NXPH1: variants seen among roughly 807,000 people sequenced by gnomAD.
NXPH1 encodes the protein neurexophilin 1.
Under a neutral mutation model 23.7 loss-of-function variants are expected in NXPH1, and 5 were observed. The observed-to-expected ratio is 0.21, with a 90% CI of 0.11 to 0.44. NXPH1 has a LOEUF of 0.44. NXPH1 is among the 20% of genes least tolerant of loss of function. The pLI, the probability that NXPH1 is intolerant of heterozygous loss-of-function variation, is 0.99. For missense variants in NXPH1, 324 were observed against 321.6 expected (o/e 1.01, Z -0.06); for synonymous variants, 144 against 122.2 (o/e 1.18, Z -1.18).
intron 2 of NXPH1, among the ~76,000 whole-genome samples, chr7:8,692,393 A>T (rs1459767094): frequency 3.3e-5 from 5 of 152,172 alleles, no homozygotes; most frequent in African/African-American, 1.2e-4. Flanking sequence ...ACAGCACTGG[A>T]GAGAAATAGG....
At chr7:8,438,279 A>G (rs1816230466) in intron 2 of NXPH1, among the ~76,000 whole-genome samples, 1 of 152,220 alleles carries the variant, frequency 6.6e-6, no homozygotes, top group African/African-American at 2.4e-5. Flanking sequence ...AGTTAACTGG[A>G]TTGATCATTT....
At chr7:8,749,284 C>T (rs1439871761) in intron 2 of NXPH1, among the ~76,000 whole-genome samples, 1 of 152,144 alleles carries the variant, frequency 6.6e-6, no homozygotes, top group Non-Finnish European at 1.5e-5. Context: ...ATCATATTGC[C>T]TACATTTTAC....
At position 8,433,801 on chromosome 7, in the gene NXPH1, C is replaced by T. The variant is rs1462763909; in HGVS notation, c.-1065C>T. 2.0e-5 allele frequency among the ~76,000 whole-genome samples: 3 copies of T among 152,282 alleles called. No homozygotes were observed. Among genetic ancestry groups the T allele is most frequent in the Admixed American group, 6.5e-5 (1 of 15,310 alleles). ...CCGCCACTCCCCTGGGCTTTGCGAT[C>T]TTCCCTACGCCCCCCGGGAAGGGGG... On this transcript the variant is annotated 5_prime_UTR_variant, in exon 1 of 3. Coordinates refer to ENST00000405863, the MANE Select transcript of NXPH1 (RefSeq NM_152745.3). The surrounding 1 kb of genome is among the most constrained non-coding windows in gnomAD (Gnocchi z 6.8).
At chr7:8,541,822 T>A (rs1818121470) in intron 2 of NXPH1, among the ~76,000 whole-genome samples, 1 of 151,588 alleles carries the variant, frequency 6.6e-6, no homozygotes, top group Non-Finnish European at 1.5e-5. Flanking sequence ...AAGTTAAAGA[T>A]GTATAGAGTT....
intron 2 of NXPH1, among the ~76,000 whole-genome samples, chr7:8,723,610 A>C (rs1780003514): frequency 6.6e-6 from 1 of 152,126 alleles, no homozygotes; most frequent in Admixed American, 6.5e-5. Flanking sequence ...TTCTTGTGCC[A>C]CTGTGCATGA....
intron 2 of NXPH1, among the ~76,000 whole-genome samples, chr7:8,597,975 G>A (rs1430618964): frequency 6.6e-6 from 1 of 151,754 alleles, no homozygotes; most frequent in Non-Finnish European, 1.5e-5. Context: ...TAGTCAATTA[G>A]CAGAGGTGAT....
chr7:8,509,977 C>A (rs1817587396), intron 2 of NXPH1, among the ~76,000 whole-genome samples: 1 of 152,142 alleles, frequency 6.6e-6, no homozygotes. Context: ...GTTATAAATA[C>A]TACAGTGAAA....
At chr7:8,736,139 T>C (rs187341471) in intron 2 of NXPH1, among the ~76,000 whole-genome samples, 44 of 152,232 alleles carry the variant, frequency 2.9e-4, no homozygotes, top group African/African-American at 1.0e-3. Flanking sequence ...TCAGTTCTGC[T>C]CTGATCTTAG....
chr7:8,511,547 G>A (rs1483258862), intron 2 of NXPH1, among the ~76,000 whole-genome samples: 1 of 152,080 alleles, frequency 6.6e-6, no homozygotes, highest in Non-Finnish European at 1.5e-5. Flanking sequence ...CCTTCACTCT[G>A]TAAGGAGTGG....
At chr7:8,703,055 A>T (rs767192094) in intron 2 of NXPH1, among the ~76,000 whole-genome samples, 6 of 152,020 alleles carry the variant, frequency 3.9e-5, no homozygotes, top group Non-Finnish European at 5.9e-5. Flanking sequence ...GAAGAGAGGG[A>T]TTTTACCTCT....
At chr7:8,445,945 C>T (rs1232280574) in intron 2 of NXPH1, among the ~76,000 whole-genome samples, 2 of 152,206 alleles carry the variant, frequency 1.3e-5, no homozygotes. Flanking sequence ...GTCATGCGCA[C>T]TCCAACCTCT....
intron 2 of NXPH1, among the ~76,000 whole-genome samples, chr7:8,571,449 G>T (rs192077270): frequency 3.2e-4 from 48 of 151,922 alleles, no homozygotes; most frequent in African/African-American, 1.1e-3. Flanking sequence ...GTGGGAAAAA[G>T]AACTCATTTT....
At chr7:8,640,508 C>G (rs1481898868) in intron 2 of NXPH1, among the ~76,000 whole-genome samples, 1 of 151,610 alleles carries the variant, frequency 6.6e-6, no homozygotes, top group African/African-American at 2.4e-5. Context: ...TCCTGTACTT[C>G]TTTACTTGTC....
At chr7:8,466,266 C>G (rs778373445) in intron 2 of NXPH1, among the ~76,000 whole-genome samples, 3 of 152,104 alleles carry the variant, frequency 2.0e-5, no homozygotes, top group Admixed American at 6.5e-5. Flanking sequence ...TGGCATTAAG[C>G]AGCTAATGGA....
At chr7:8,743,099 C>T (rs968456703) in intron 2 of NXPH1, among the ~76,000 whole-genome samples, 1 of 152,006 alleles carries the variant, frequency 6.6e-6, no homozygotes, top group Non-Finnish European at 1.5e-5. Context: ...TAACCATAAA[C>T]CACTAAAATG....
At chr7:8,725,608 A>C (rs1780038648) in intron 2 of NXPH1, among the ~76,000 whole-genome samples, 1 of 152,212 alleles carries the variant, frequency 6.6e-6, no homozygotes, top group South Asian at 2.1e-4. Context: ...TTAATGTAAA[A>C]AATTCTTGAA....
intron 2 of NXPH1, among the ~76,000 whole-genome samples, chr7:8,539,695 C>A (rs1818082412): frequency 6.6e-6 from 1 of 151,698 alleles, no homozygotes; most frequent in African/African-American, 2.4e-5. Context: ...ATTAAATTAT[C>A]AATGCACATG....
intron 2 of NXPH1, among the ~76,000 whole-genome samples, chr7:8,745,719 ATTTTTTTTT>A (rs56019801): frequency 8.0e-5 from 9 of 111,846 alleles, no homozygotes; most frequent in South Asian, 3.0e-4. Flanking sequence ...CGCCCAGCTA[ATTTTTTTTT>A]TTTTTTTTTT....
At chr7:8,529,347 A>G (rs145432761) in intron 2 of NXPH1, among the ~76,000 whole-genome samples, 2 of 152,372 alleles carry the variant, frequency 1.3e-5, no homozygotes, top group African/African-American at 4.8e-5. Context: ...TGCCTGCCAC[A>G]GAGAGGGATT....
Sources: gnomAD v4.1 joint callset for allele counts (sites outside exome capture counted in the v4.1 genomes callset) on GRCh38, gnomAD v4.1.1 for gene constraint, Gnocchi (gnomAD v3.1) non-coding constraint, MANE v1.5 for transcripts, NCBI Gene and HGNC (gene_info 2026-07-23, HGNC 2026-07-21) for gene names.